Variants in REEP1 observed in about 807,000 individuals in gnomAD.
The protein encoded by REEP1 is receptor expression-enhancing protein 1.
REEP1 carries 22 observed loss-of-function variants against 40.3 expected under a neutral mutation model. That is an observed-to-expected ratio of 0.55 (90% CI 0.39 to 0.78). The LOEUF (loss-of-function observed/expected upper bound fraction) is 0.78. REEP1 is among the 30% of genes least tolerant of loss of function. REEP1 has a pLI of 0.00. For missense variants in REEP1, 280 were observed against 361.1 expected, an observed-to-expected ratio of 0.78 and a Z score of 1.82; for synonymous variants, 116 against 139.2, an observed-to-expected ratio of 0.83 and a Z score of 1.17.
intron 2 of REEP1, among the ~76,000 whole-genome samples, chr2:86,270,855 C>CA (rs570969215): frequency 1.6e-3 from 230 of 145,636 alleles, no homozygotes; most frequent in African/African-American, 4.4e-3. Context: ...GAATGGAGAA[C>CA]AAAAAAAAAC....
At chr2:86,307,963 T>C (rs1318600334) in intron 1 of REEP1, among the ~76,000 whole-genome samples, 1 of 152,198 alleles carries the variant, frequency 6.6e-6, no homozygotes, top group Non-Finnish European at 1.5e-5. Context: ...CCTTTCCATA[T>C]AAATATTTTC....
intron 1 of REEP1, among the ~76,000 whole-genome samples, chr2:86,315,426 G>A (rs1489978481): frequency 1.3e-5 from 2 of 152,230 alleles, no homozygotes; most frequent in African/African-American, 4.8e-5. Context: ...GAAGAGACAA[G>A]TAATGTCCAC....
rs34203842 is a variant in REEP1, at chr2:86,327,568, C to CTT, written c.32+9909_32+9910dup. Among the ~76,000 whole-genome samples the CTT allele has an allele frequency of 1.5e-3, 206 of 137,698 alleles. 2 individuals carry two copies. Among genetic ancestry groups the CTT allele is most frequent in the Middle Eastern group, 3.7e-3 (1 of 272 alleles). 90.3% of individuals were successfully genotyped at this position (137,698 alleles called of 152,430 possible). A position where few individuals can be genotyped will look rare whatever the true frequency, so the allele number is the denominator to read the frequency against. The stretch of plus-strand genomic sequence containing the variant: ...AGCAGGGGAAAGATGGTCTATCTTA[C>CTT]TTTTTTTTTTTTTTTTGGAGATGGG... On this transcript the variant is annotated intron_variant, in intron 1 of 8. Coordinates refer to ENST00000538924, the MANE Select transcript of REEP1 (RefSeq NM_001371279.1).
intron 5 of REEP1, among the ~76,000 whole-genome samples, chr2:86,234,392 T>G (rs1409787661): frequency 6.6e-6 from 1 of 151,920 alleles, no homozygotes; most frequent in Non-Finnish European, 1.5e-5. Flanking sequence ...GTGGTATATG[T>G]CTGTAGTTCC....
intron 3 of REEP1, among the ~76,000 whole-genome samples, chr2:86,257,375 G>A (rs4832261): frequency 0.42 from 63,683 of 151,980 alleles, 14,824 homozygotes; most frequent in East Asian, 0.65. Context: ...AGTATACAAC[G>A]AAGAGTCTCC....
rs773346096 is a variant in REEP1 at position 86,282,236 on chromosome 2, T to C, written c.39A>G (p.Ile13Met). 2 of 1,604,638 alleles carry C rather than the reference T, an allele frequency of 1.2e-6. No individual in the cohort carries two copies. Among genetic ancestry groups the C allele is most frequent in the African/African-American group, 1.3e-5 (1 of 74,708 alleles). Residue 13 changes from isoleucine (I) to methionine (M), a missense_variant, in exon 2 of 9, where the codon ATA becomes ATG. Physicochemically the swap from Ile to Met is conservative, Grantham distance 10 (BLOSUM62 1). This residue lies in a region of REEP1 where 68 missense variants were observed against 83.7 expected (regional missense o/e 0.81). Transcript: ENST00000538924. ...SWIISRLVVL[I>M]FGTLYPAYYS... Reference sequence around the variant, plus strand: ...AATACGCAGGGTAAAGGGTGCCAAATATAAGCCTGGAGGGAAGAGAGACAA... The same window carrying C: ...AATACGCAGGGTAAAGGGTGCCAAACATAAGCCTGGAGGGAAGAGAGACAA...
intron 5 of REEP1, among the ~76,000 whole-genome samples, chr2:86,250,184 C>G (rs951737439): frequency 9.2e-5 from 14 of 152,162 alleles, no homozygotes; most frequent in African/African-American, 3.1e-4. Context: ...GGATGGCCTG[C>G]AGAAGTTATT....
intron 1 of REEP1, among the ~76,000 whole-genome samples, chr2:86,313,300 CTTT>C (rs77130679): frequency 7.3e-6 from 1 of 136,562 alleles, no homozygotes; most frequent in Admixed American, 7.2e-5. Flanking sequence ...CTTTTCTTTT[CTTT>C]TTTTTTTTTT....
At chr2:86,232,987 G>A (rs1574006105) in intron 5 of REEP1, among the ~76,000 whole-genome samples, 185 bp from the exon 6 acceptor site, 2 of 152,106 alleles carry the variant, frequency 1.3e-5, no homozygotes, top group African/African-American at 4.8e-5. Context: ...AATTTTCCAG[G>A]GCCTCCTCTG....
chr2:86,271,656 G>A (rs552307283), intron 2 of REEP1, among the ~76,000 whole-genome samples: 2 of 152,268 alleles, frequency 1.3e-5, no homozygotes, highest in South Asian at 2.1e-4. Flanking sequence ...AAACAAGGTA[G>A]GTTTAGTCCA....
rs1345606200 is a variant in REEP1 at position 86,256,236 on chromosome 2, T to A, written c.183-1422A>T. On this transcript the variant is annotated intron_variant, in intron 3 of 8. Coordinates refer to ENST00000538924, the MANE Select transcript of REEP1 (RefSeq NM_001371279.1). ...GGTGGCGGGCACCTGTAATCCCAGC[T>A]ACTCAGGGGGCTGAGGCAGGAGAAT... Among the ~76,000 whole-genome samples, 3 of 151,282 alleles carry A rather than the reference T, an allele frequency of 2.0e-5. No individual in the cohort carries two copies. The East Asian group carries it at 5.9e-4, about 30-fold the overall frequency.
chr2:86,218,159 A>G (rs1674226814), intron 8 of REEP1, among the ~76,000 whole-genome samples: 1 of 152,132 alleles, frequency 6.6e-6, no homozygotes, highest in Non-Finnish European at 1.5e-5. Flanking sequence ...CACTTCTGCA[A>G]AGGTTTCCCG....
chr2:86,254,472 G>A (rs1264853055), intron 4 of REEP1, among the ~76,000 whole-genome samples: 2 of 152,124 alleles, frequency 1.3e-5, no homozygotes, highest in African/African-American at 2.4e-5. Context: ...TTATGGAAAT[G>A]TTTTCCAGTA....
chr2:86,225,546 C>T (rs1027657205), intron 7 of REEP1, among the ~76,000 whole-genome samples: 5 of 152,222 alleles, frequency 3.3e-5, no homozygotes, highest in Non-Finnish European at 5.9e-5. Flanking sequence ...GCTGGGATTA[C>T]AGGTGTGAGC....
intron 1 of REEP1, among the ~76,000 whole-genome samples, chr2:86,317,212 C>A (rs1275154264): frequency 6.6e-6 from 1 of 152,004 alleles, no homozygotes; most frequent in Non-Finnish European, 1.5e-5. Context: ...GGTCAAAAGA[C>A]ATAACAGCCA....
At chr2:86,297,506 T>C (rs1395924470) in intron 1 of REEP1, among the ~76,000 whole-genome samples, 1 of 152,202 alleles carries the variant, frequency 6.6e-6, no homozygotes, top group Non-Finnish European at 1.5e-5. Context: ...AGGGCTGACA[T>C]AGGAGCCATC....
At chr2:86,295,659 C>T (rs1678942203) in intron 1 of REEP1, among the ~76,000 whole-genome samples, 2 of 152,196 alleles carry the variant, frequency 1.3e-5, no homozygotes, top group Non-Finnish European at 2.9e-5. Context: ...CCTGCCTCAG[C>T]CTCCCGAGTA....
intron 1 of REEP1, among the ~76,000 whole-genome samples, chr2:86,332,054 T>C (rs1471801128): frequency 6.6e-6 from 1 of 152,110 alleles, no homozygotes. Context: ...TATATTTCCT[T>C]TTTCCCTGTA....
At chr2:86,259,878 C>T (rs987671244) in intron 3 of REEP1, among the ~76,000 whole-genome samples, 3 of 151,928 alleles carry the variant, frequency 2.0e-5, no homozygotes, top group Non-Finnish European at 4.4e-5. Flanking sequence ...TGGGGGTGAG[C>T]GAAGAGTGAG....
Sources: allele counts gnomAD v4.1 joint callset (sites outside exome capture counted in the v4.1 genomes callset), GRCh38; gene constraint gnomAD v4.1.1; regional missense constraint gnomAD v4.1.1; transcripts MANE v1.5; gene names NCBI Gene and HGNC (gene_info 2026-07-23, HGNC 2026-07-21).